Variants in ARB2A observed in about 807,000 individuals in gnomAD.
The protein encoded by ARB2A is cotranscriptional regulator ARB2A.
chr5:94,105,976 A>T, the ARB2A span, among the ~76,000 whole-genome samples: 2 of 152,100 alleles, frequency 1.3e-5, no homozygotes, highest in African/African-American at 4.8e-5. Context: ...ATACACAAAA[A>T]TCCATTCAAG....
At chr5:93,846,079 T>C in the ARB2A span, among the ~76,000 whole-genome samples, 1 of 151,820 alleles carries the variant, frequency 6.6e-6, no homozygotes, top group Non-Finnish European at 1.5e-5. Flanking sequence ...CTTTGTGACT[T>C]TGACTTACCA....
the ARB2A span, chr5:94,053,365 G>T: frequency 1.6e-4 from 84 of 520,452 alleles, 1 homozygote; most frequent in Non-Finnish European, 2.1e-4. Flanking sequence ...CTACTAAATT[G>T]AATTCCCAAA....
At chr5:94,019,024 T>C in the ARB2A span, among the ~76,000 whole-genome samples, 103 of 152,296 alleles carry the variant, frequency 6.8e-4, no homozygotes, top group Non-Finnish European at 1.4e-3. Flanking sequence ...TACAACCATC[T>C]GATCTTTGAC....
chr5:93,998,697 A>AG, the ARB2A span, among the ~76,000 whole-genome samples: 1 of 151,996 alleles, frequency 6.6e-6, no homozygotes, highest in Non-Finnish European at 1.5e-5. Flanking sequence ...GAGATATTCC[A>AG]TTTAACATGA....
chr5:93,729,138 C>T, the ARB2A span, among the ~76,000 whole-genome samples: 10 of 152,048 alleles, frequency 6.6e-5, no homozygotes, highest in South Asian at 2.1e-4. Context: ...CTCCTCACCT[C>T]GCTCCACTCC....
the ARB2A span, among the ~76,000 whole-genome samples, chr5:93,948,462 C>G: frequency 1.3e-5 from 2 of 151,994 alleles, no homozygotes; most frequent in African/African-American, 4.8e-5. Flanking sequence ...TGTAGGCTGC[C>G]TGTTCACTCT....
chr5:93,679,059 T>C, the ARB2A span, among the ~76,000 whole-genome samples: 1 of 152,186 alleles, frequency 6.6e-6, no homozygotes, highest in Non-Finnish European at 1.5e-5. Context: ...TTCATAACAA[T>C]TTCTAAAAAA....
At chr5:93,729,259 C>T in the ARB2A span, among the ~76,000 whole-genome samples, 2 of 152,056 alleles carry the variant, frequency 1.3e-5, no homozygotes, top group Admixed American at 6.6e-5. Context: ...TAACACTGGC[C>T]GCTTGGTGAT....
the ARB2A span, among the ~76,000 whole-genome samples, chr5:93,837,955 TTGTC>T: frequency 2.8e-3 from 434 of 152,328 alleles, 21 homozygotes; most frequent in East Asian, 0.067. Context: ...ATTCTATAGA[TTGTC>T]TGTTTACTCT....
the ARB2A span, among the ~76,000 whole-genome samples, chr5:94,110,549 G>A: frequency 6.6e-6 from 1 of 152,196 alleles, no homozygotes; most frequent in Non-Finnish European, 1.5e-5. Flanking sequence ...CCTGGTACCA[G>A]CACTGTCACT....
chr5:93,736,051 G>A, the ARB2A span: 2 of 152,134 alleles, frequency 1.3e-5, no homozygotes, highest in Non-Finnish European at 2.9e-5. Context: ...AAGCTGTAGT[G>A]TGGAATTCAT....
At chr5:93,709,507 C>T in the ARB2A span, among the ~76,000 whole-genome samples, 1 of 151,430 alleles carries the variant, frequency 6.6e-6, no homozygotes, top group African/African-American at 2.4e-5. Flanking sequence ...GAGGTGTGCA[C>T]CTGTAATCCC....
the ARB2A span, among the ~76,000 whole-genome samples, chr5:93,632,607 C>T: frequency 6.6e-6 from 1 of 152,168 alleles, no homozygotes; most frequent in Non-Finnish European, 1.5e-5. Context: ...TAAGAGTACA[C>T]TGGCTGGTAT....
chr5:93,776,042 A>T, the ARB2A span: 1 of 807,574 alleles, frequency 1.2e-6, no homozygotes, highest in Non-Finnish European at 2.0e-6. Flanking sequence ...CCAATAATTC[A>T]TCTAACAACT....
chr5:94,050,892 G>T, the ARB2A span: 1 of 1,113,230 alleles, frequency 9.0e-7, no homozygotes, highest in Non-Finnish European at 1.3e-6. Flanking sequence ...AATATAAACA[G>T]TACAACAAAG....
At chr5:93,674,985 A>G in the ARB2A span, among the ~76,000 whole-genome samples, 1 of 152,094 alleles carries the variant, frequency 6.6e-6, no homozygotes, top group Non-Finnish European at 1.5e-5. Context: ...CAAACTCACT[A>G]TTTTCTAAGT....
the ARB2A span, among the ~76,000 whole-genome samples, chr5:93,955,143 T>G: frequency 1.3e-4 from 20 of 152,238 alleles, no homozygotes; most frequent in Non-Finnish European, 1.9e-4. Flanking sequence ...GGATTTTCGG[T>G]TTTTATGAAG....
the ARB2A span, among the ~76,000 whole-genome samples, chr5:93,896,369 T>G: frequency 6.6e-6 from 1 of 152,140 alleles, no homozygotes; most frequent in Non-Finnish European, 1.5e-5. Context: ...CCTGACTTCA[T>G]GTGATGGGTC....
At chr5:93,959,378 T>TG in the ARB2A span, among the ~76,000 whole-genome samples, 1 of 152,112 alleles carries the variant, frequency 6.6e-6, no homozygotes, top group African/African-American at 2.4e-5. Flanking sequence ...GATTTATAGA[T>TG]GAAGAAATTG....
Sources: allele counts gnomAD v4.1 joint callset (sites outside exome capture counted in the v4.1 genomes callset), GRCh38; gene constraint gnomAD v4.1.1; transcripts MANE v1.5; gene names NCBI Gene and HGNC (gene_info 2026-07-23, HGNC 2026-07-21).